The following ATG14 variants were observed in gnomAD, a reference collection of about 807,000 sequenced individuals.
The protein encoded by ATG14 is autophagy related 14, also known as beclin 1-associated autophagy-related key regulator.
ATG14 carries 35 observed loss-of-function variants against 60.4 expected under a neutral mutation model. The ratio of observed to expected loss-of-function variants is 0.58; its 90% CI spans 0.44 to 0.77. The LOEUF is 0.77. Among genes scored for constraint, ATG14 ranks in the 30% least tolerant of loss-of-function variants. The pLI, the probability that ATG14 is intolerant of heterozygous loss-of-function variation, is 0.00. For missense variants in ATG14, 647 were observed against 626.3 expected, an observed-to-expected ratio of 1.03 and a Z score of -0.35; for synonymous variants, 234 against 228.8, an observed-to-expected ratio of 1.02 and a Z score of -0.21.
chr14:55,397,382 A>G lies in ATG14; in HGVS notation c.274T>C (p.Phe92Leu), dbSNP rs1186754251. The change falls in exon 2 of 10, where the codon TTT becomes CTT. Residue 92 changes from phenylalanine to leucine, a missense_variant. Phe to Leu is a conservative substitution (Grantham distance 22). Coordinates refer to ENST00000247178, the MANE Select transcript of ATG14 (RefSeq NM_014924.5). ...LSRLKSKQEEFQKEVLKAMEG... is the reference protein window; with the variant it reads ...LSRLKSKQEELQKEVLKAMEG... Reference sequence around the variant, plus strand: ...AAACAAAACACTCACTCTTTCTGAAATTCTTCTTGCTTGCTCTTAAGTCGG... The same window carrying G: ...AAACAAAACACTCACTCTTTCTGAAGTTCTTCTTGCTTGCTCTTAAGTCGG... 4 of 1,613,490 alleles carry G rather than the reference A, an allele frequency of 2.5e-6. No individual in the cohort carries two copies. The highest frequency in any genetic ancestry group is 3.4e-6 in the Non-Finnish European group (4 of 1,179,510).
chr14:55,380,875 A>ATATATATATAT (rs377330757), intron 6 of ATG14, among the ~76,000 whole-genome samples, 185 bp from the exon 7 acceptor site: 47 of 112,696 alleles, frequency 4.2e-4, no homozygotes, highest in African/African-American at 1.6e-3. Flanking sequence ...ATATATATAT[A>ATATATATATAT]TTTTTTTTTT....
intron 9 of ATG14, among the ~76,000 whole-genome samples, chr14:55,375,525 G>A (rs553246285): frequency 1.6e-4 from 8 of 49,136 alleles, no homozygotes; most frequent in Admixed American, 1.1e-3. Context: ...TTTACTTTTT[G>A]TAGACATGGA....
intron 4 of ATG14, among the ~76,000 whole-genome samples, chr14:55,387,266 G>A (rs565284527): frequency 3.9e-5 from 6 of 152,144 alleles, no homozygotes; most frequent in African/African-American, 9.6e-5. Flanking sequence ...CACACCCTTC[G>A]CTCTAGCTGT....
intron 7 of ATG14, among the ~76,000 whole-genome samples, chr14:55,379,532 G>A (rs1166322640): frequency 6.6e-6 from 1 of 152,140 alleles, no homozygotes; most frequent in African/African-American, 2.4e-5. Context: ...ACGACAGAGT[G>A]AGACCCTGTC....
In ATG14 at chr14:55,369,617, C is replaced by CT. The variant is rs1566575772; in HGVS notation, c.*1_*2insA. ...GATTTGGTATGTTTTGGTCCATGCT[C>CT]GTTAACGGTGTCCAGTGTAAGCTTT... On this transcript the variant is annotated 3_prime_UTR_variant, in exon 10 of 10. Coordinates refer to ENST00000247178, the MANE Select transcript of ATG14 (RefSeq NM_014924.5). 1 of 1,511,314 alleles carries CT rather than the reference C, an allele frequency of 6.6e-7. No homozygotes were observed. The highest frequency in any genetic ancestry group is 8.9e-7 in the Non-Finnish European group (1 of 1,128,316). 93.6% of individuals were successfully genotyped at this position (1,511,314 alleles called of 1,614,324 possible).
At chr14:55,371,387 C>T (rs1408481152) in intron 9 of ATG14, among the ~76,000 whole-genome samples, 3 of 152,154 alleles carry the variant, frequency 2.0e-5, no homozygotes, top group African/African-American at 7.2e-5. Context: ...CTGTGCTTCC[C>T]AGATGGATTA....
chr14:55,368,265 G>C lies in ATG14; in HGVS notation c.*1354C>G, dbSNP rs987765943. 1 of 152,546 alleles carries C rather than the reference G, an allele frequency of 6.6e-6. No individual in the cohort carries two copies. The highest frequency in any genetic ancestry group is 1.5e-5 in the Non-Finnish European group (1 of 68,192). 9.4% of individuals were successfully genotyped at this position (152,546 alleles called of 1,614,324 possible). A position where few individuals can be genotyped will look rare whatever the true frequency, so the allele number is the denominator to read the frequency against. ...GACGGAGTTTCGCTCTTGTTGCCCAGGCTGGAGTGCAATGGCACAATCTCG... is the reference window on the plus strand; with the variant it reads ...GACGGAGTTTCGCTCTTGTTGCCCACGCTGGAGTGCAATGGCACAATCTCG... On this transcript the variant is annotated 3_prime_UTR_variant, in exon 10 of 10. Transcript: ENST00000247178.
chr14:55,374,943 G>GTT (rs1219220412), intron 9 of ATG14, among the ~76,000 whole-genome samples: 3 of 152,034 alleles, frequency 2.0e-5, no homozygotes, highest in African/African-American at 7.2e-5. Context: ...CCTCATTATT[G>GTT]TTTTCAAAAC....
chr14:55,382,419 G>C (rs2140131674), intron 5 of ATG14, among the ~76,000 whole-genome samples: 1 of 152,218 alleles, frequency 6.6e-6, no homozygotes, highest in South Asian at 2.1e-4. Flanking sequence ...AGACTCCAGA[G>C]ATACTCCTGC....
chr14:55,385,289 GT>G (rs543895212), intron 5 of ATG14, among the ~76,000 whole-genome samples: 74 of 151,322 alleles, frequency 4.9e-4, no homozygotes, highest in African/African-American at 1.5e-3. Flanking sequence ...TGGTTCTCTG[GT>G]TTTTTTTTGT....
chr14:55,388,183 T>A (rs911358797), intron 4 of ATG14, among the ~76,000 whole-genome samples: 1 of 152,200 alleles, frequency 6.6e-6, no homozygotes, highest in Non-Finnish European at 1.5e-5. Flanking sequence ...TTAATGTGAA[T>A]GTCCTAAAGG....
chr14:55,408,125 G>T (rs1367389376), intron 1 of ATG14, among the ~76,000 whole-genome samples: 1 of 152,116 alleles, frequency 6.6e-6, no homozygotes, highest in African/African-American at 2.4e-5. Context: ...TAGATACCCT[G>T]CCATTTACAA....
chr14:55,401,455 T>C (rs1226534185), intron 1 of ATG14, among the ~76,000 whole-genome samples: 1 of 152,218 alleles, frequency 6.6e-6, no homozygotes, highest in Admixed American at 6.5e-5. Flanking sequence ...GAAAGAAATC[T>C]GCCAGTGAAC....
Position 55,369,022 on chromosome 14 carries a change from T to C in ATG14, c.*597A>G, listed in dbSNP as rs962400439. 1 of 151,600 alleles carries C rather than the reference T, an allele frequency of 6.6e-6. No homozygotes were observed. Among genetic ancestry groups the C allele is most frequent in the African/African-American group, 2.4e-5 (1 of 41,220 alleles). 9.4% of individuals were successfully genotyped at this position (151,600 alleles called of 1,614,324 possible). Reference sequence around the variant, plus strand: ...TGTGTGGGGGAAAGAAAAACAGGAATGTCTGACAAACTACGACAGAGCAGC... The same window carrying C: ...TGTGTGGGGGAAAGAAAAACAGGAACGTCTGACAAACTACGACAGAGCAGC... On this transcript the variant is annotated 3_prime_UTR_variant, in exon 10 of 10. Transcript: ENST00000247178.
At chr14:55,408,654 C>A (rs10148229) in intron 1 of ATG14, among the ~76,000 whole-genome samples, 1 of 152,068 alleles carries the variant, frequency 6.6e-6, no homozygotes, top group African/African-American at 2.4e-5. Context: ...GCCTGTAGTC[C>A]CACCTACTCA....
intron 1 of ATG14, among the ~76,000 whole-genome samples, chr14:55,403,428 C>T (rs1329230578): frequency 1.3e-5 from 2 of 152,048 alleles, no homozygotes; most frequent in South Asian, 2.1e-4. Context: ...ACTACAGTTC[C>T]TTCATTCAGC....
In ATG14 at chr14:55,368,952, T is replaced by C. The variant is rs1332542414; in HGVS notation, c.*667A>G. ...ATTATTGCAGCCAGGATTTCTTCCATTTATGGATGTGGGTCCTAAAGAAAA... is the reference window on the plus strand; with the variant it reads ...ATTATTGCAGCCAGGATTTCTTCCACTTATGGATGTGGGTCCTAAAGAAAA... On this transcript the variant is annotated 3_prime_UTR_variant, in exon 10 of 10. Coordinates refer to ENST00000247178, the MANE Select transcript of ATG14 (RefSeq NM_014924.5). 6.6e-6 allele frequency: 1 copy of C among 152,638 alleles called. No individual in the cohort carries two copies. The highest frequency in any genetic ancestry group is 1.5e-5 in the Non-Finnish European group (1 of 68,046). 9.5% of individuals were successfully genotyped at this position (152,638 alleles called of 1,614,324 possible).
At chr14:55,401,019 A>G (rs1260475022) in intron 1 of ATG14, among the ~76,000 whole-genome samples, 1 of 152,118 alleles carries the variant, frequency 6.6e-6, no homozygotes, top group East Asian at 1.9e-4. Flanking sequence ...ATTTCCTCTA[A>G]AACACTTTAT....
At chr14:55,379,371 T>C (rs773810116) in intron 7 of ATG14, among the ~76,000 whole-genome samples, 3 of 151,192 alleles carry the variant, frequency 2.0e-5, no homozygotes, top group Non-Finnish European at 4.4e-5. Context: ...CCCTGTCTCA[T>C]ACAAAAAAAT....
Sources: allele counts gnomAD v4.1 joint callset (sites outside exome capture counted in the v4.1 genomes callset), GRCh38; gene constraint gnomAD v4.1.1; transcripts MANE v1.5; gene names NCBI Gene and HGNC (gene_info 2026-07-23, HGNC 2026-07-21).